Variants in THSD4 observed in about 807,000 individuals in gnomAD.
The protein encoded by THSD4 is thrombospondin type 1 domain containing 4.
In THSD4, 69 loss-of-function variants were observed where a neutral mutation model predicts 119.0. The ratio of observed to expected loss-of-function variants is 0.58; its 90% CI spans 0.48 to 0.71. The LOEUF is 0.71. Ranked by LOEUF, THSD4 falls within the 30% of genes least tolerant of loss-of-function variation. The pLI is 0.00. For synonymous variants in THSD4, 524 were observed against 540.4 expected (o/e 0.97, Z 0.42); for missense variants, 1,393 against 1,391.1 (o/e 1.00, Z -0.02).
Position 71,554,152 on chromosome 15 carries a change from C to T in THSD4, c.1153-106378C>T, listed in dbSNP as rs1472596778. On this transcript the variant is annotated intron_variant, in intron 7 of 17. Coordinates refer to ENST00000261862, the MANE Select transcript of THSD4 (RefSeq NM_024817.3). ...TCGCCCAGGCTGGAGTGCAGTGGCA[C>T]GATCTCAGCTCACTGCAAGCTCCGC... 2.8e-5 allele frequency among the ~76,000 whole-genome samples: 4 copies of T among 144,998 alleles called. No homozygotes were observed. In the Admixed American group the frequency reaches 2.8e-4, roughly 10 times the overall value.
At position 71,118,369 on chromosome 15, in the gene THSD4, C is replaced by T. The variant is rs901310223; in HGVS notation, c.-80+2671C>T. On this transcript the variant is annotated intron_variant, in intron 1 of 17. Transcript: ENST00000261862. ...CCCCAGCTCAGAAATTCAGATTTCC[C>T]CTCTTCTGATCTAAATTTTGCCAGG... Among the ~76,000 whole-genome samples, 7 of 152,086 alleles carry T rather than the reference C, an allele frequency of 4.6e-5. No homozygotes were observed. The East Asian group carries it at 1.4e-3, about 29-fold the overall frequency.
intron 3 of THSD4, among the ~76,000 whole-genome samples, chr15:71,161,193 C>T (rs2043247008): frequency 1.3e-5 from 2 of 152,066 alleles, no homozygotes; most frequent in Middle Eastern, 3.4e-3. Context: ...GGGAATGTTC[C>T]ATGTGCAATT....
intron 2 of THSD4, 112 bp downstream of exon 2, chr15:71,141,668 A>G: frequency 8.2e-7 from 1 of 1,218,096 alleles, no homozygotes; most frequent in Non-Finnish European, 1.1e-6. Context: ...GCTGACTGAT[A>G]TTTTTGATAT....
upstream of THSD4, among the ~76,000 whole-genome samples, chr15:71,114,509 C>T (rs560023810): frequency 3.3e-5 from 5 of 152,312 alleles, no homozygotes; most frequent in African/African-American, 1.2e-4. Flanking sequence ...AAAGAAGAGA[C>T]AGTTCCTCAC....
rs1241402458 is a variant in THSD4 at position 71,780,829 on chromosome 15, A to C, written c.*3455A>C. The C allele has an allele frequency of 2.2e-6, 1 of 455,802 alleles. No individual in the cohort carries two copies. Among genetic ancestry groups the C allele is most frequent in the African/African-American group, 2.0e-5 (1 of 50,114 alleles). 28.2% of individuals were successfully genotyped at this position (455,802 alleles called of 1,614,324 possible). A position where few individuals can be genotyped will look rare whatever the true frequency, so the allele number is the denominator to read the frequency against. ...TAGCATTCAACACTCTTTTTGCTTTAAAAAGAATGGCCTTACAAAGGGACA... is the reference window on the plus strand; with the variant it reads ...TAGCATTCAACACTCTTTTTGCTTTCAAAAGAATGGCCTTACAAAGGGACA... On this transcript the variant is annotated 3_prime_UTR_variant, in exon 18 of 18. Coordinates refer to ENST00000261862, the MANE Select transcript of THSD4 (RefSeq NM_024817.3).
chr15:71,113,245 T>C (rs560020086), upstream of THSD4, among the ~76,000 whole-genome samples: 2 of 152,318 alleles, frequency 1.3e-5, no homozygotes, highest in East Asian at 3.9e-4. Context: ...AGAGACTTTC[T>C]TGTGACATAT....
At chr15:71,580,771 C>T (rs777161078) in intron 7 of THSD4, among the ~76,000 whole-genome samples, 6 of 152,134 alleles carry the variant, frequency 3.9e-5, no homozygotes, top group Admixed American at 6.5e-5. Context: ...ACTCATTTCA[C>T]TTAGCATAAT....
At chr15:71,544,181 C>G (rs2048802763) in intron 7 of THSD4, among the ~76,000 whole-genome samples, 1 of 152,088 alleles carries the variant, frequency 6.6e-6, no homozygotes, top group Admixed American at 6.6e-5. Flanking sequence ...GAGTCCAGAG[C>G]AATGGTAACA....
intron 1 of THSD4, among the ~76,000 whole-genome samples, chr15:71,141,238 T>G (rs1416100168): frequency 6.6e-6 from 1 of 152,262 alleles, no homozygotes; most frequent in South Asian, 2.1e-4. Flanking sequence ...GAACATCTTC[T>G]GTGGGTCAGG....
At chr15:71,122,299 C>T (rs1024225560) in intron 1 of THSD4, among the ~76,000 whole-genome samples, 2 of 152,174 alleles carry the variant, frequency 1.3e-5, no homozygotes, top group Non-Finnish European at 2.9e-5. Context: ...ATTATTTCTA[C>T]TCTACAGCTA....
intron 7 of THSD4, among the ~76,000 whole-genome samples, chr15:71,623,758 A>C (rs1242981669): frequency 6.6e-6 from 1 of 152,046 alleles, no homozygotes; most frequent in Non-Finnish European, 1.5e-5. Context: ...CCCCATCTCT[A>C]CTAAAAATAC....
At chr15:71,433,275 CT>C (rs948224096) in intron 7 of THSD4, among the ~76,000 whole-genome samples, 7 of 150,638 alleles carry the variant, frequency 4.6e-5, no homozygotes, top group African/African-American at 1.5e-4. Context: ...TCATGCTAAT[CT>C]ATTATTTAAC....
At chr15:71,615,702 G>C (rs539609208) in intron 7 of THSD4, among the ~76,000 whole-genome samples, 2 of 152,228 alleles carry the variant, frequency 1.3e-5, no homozygotes, top group East Asian at 3.9e-4. Flanking sequence ...TCTTTTCCTG[G>C]ATGGAAATTG....
intron 4 of THSD4, among the ~76,000 whole-genome samples, chr15:71,231,863 G>A (rs2140264964): frequency 6.6e-6 from 1 of 152,254 alleles, no homozygotes; most frequent in South Asian, 2.1e-4. Flanking sequence ...GAACAGCCCT[G>A]GCAGGAATTT....
chr15:71,286,432 T>C (rs2044718956), intron 6 of THSD4, among the ~76,000 whole-genome samples: 1 of 152,184 alleles, frequency 6.6e-6, no homozygotes, highest in Admixed American at 6.5e-5. Flanking sequence ...TGTTCCTGTG[T>C]TAGTTTGCTA....
intron 7 of THSD4, among the ~76,000 whole-genome samples, chr15:71,633,532 C>T (rs2050678871): frequency 6.6e-6 from 1 of 152,140 alleles, no homozygotes. Context: ...GCCTTGGCCT[C>T]CCAAAGCGTT....
At chr15:71,522,454 G>T (rs1364924576) in intron 7 of THSD4, among the ~76,000 whole-genome samples, 1 of 152,142 alleles carries the variant, frequency 6.6e-6, no homozygotes, top group East Asian at 1.9e-4. Flanking sequence ...AAGGTATGGG[G>T]TTAGGAGTGG....
chr15:71,724,520 C>G (rs1233510850), intron 8 of THSD4, among the ~76,000 whole-genome samples: 6 of 151,344 alleles, frequency 4.0e-5, no homozygotes, highest in Non-Finnish European at 5.9e-5. Flanking sequence ...CTCCTGACCT[C>G]GTGATCCGCC....
chr15:71,713,963 A>T (rs78997349), intron 8 of THSD4, among the ~76,000 whole-genome samples: 1 of 152,048 alleles, frequency 6.6e-6, no homozygotes, highest in Admixed American at 6.5e-5. Flanking sequence ...CCTTGTTCCA[A>T]TGTGGAGTAG....
Sources: gnomAD v4.1 joint callset for allele counts (sites outside exome capture counted in the v4.1 genomes callset) on GRCh38, gnomAD v4.1.1 for gene constraint, MANE v1.5 for transcripts, NCBI Gene and HGNC (gene_info 2026-07-23, HGNC 2026-07-21) for gene names.